The following ANKHD1 variants were observed in gnomAD, a reference collection of about 807,000 sequenced individuals.
ANKHD1 encodes ankyrin repeat and KH domain containing 1.
Under a neutral mutation model 230.5 loss-of-function variants are expected in ANKHD1, and 31 were observed. The ratio of observed to expected loss-of-function variants is 0.13; its 90% CI spans 0.10 to 0.18. The LOEUF is 0.18. Ranked by LOEUF, ANKHD1 falls within the 10% of genes least tolerant of loss-of-function variation. The pLI is 1.00. For synonymous variants in ANKHD1, 1,074 were observed against 1,117.6 expected, an observed-to-expected ratio of 0.96 and a Z score of 0.78; for missense variants, 2,256 against 3,071.3, an observed-to-expected ratio of 0.73 and a Z score of 6.27.
chr5:140,538,603 C>T (rs1005276538), intron 32 of ANKHD1, among the ~76,000 whole-genome samples: 1 of 152,184 alleles, frequency 6.6e-6, no homozygotes, highest in African/African-American at 2.4e-5. Flanking sequence ...GTAGAGTTCC[C>T]ATTTTCTTCT....
chr5:140,515,794 G>A lies in ANKHD1; in HGVS notation c.4317+2315G>A, dbSNP rs891676014. Among the ~76,000 whole-genome samples, 8 of 152,282 alleles carry A rather than the reference G, an allele frequency of 5.3e-5. No individual in the cohort carries two copies. In the South Asian group the frequency reaches 1.4e-3, roughly 28 times the overall value. On this transcript the variant is annotated intron_variant, in intron 24 of 33. Transcript: ENST00000360839. Reference sequence around the variant, plus strand: ...GGACATCCACACCAAAAACCCATCTGTACATCACCATCATCAAAGACCAAA... The same window carrying A: ...GGACATCCACACCAAAAACCCATCTATACATCACCATCATCAAAGACCAAA...
chr5:140,459,115 T>C (rs1303576502), intron 8 of ANKHD1, 49 bp from the exon 9 acceptor site: 5 of 1,396,388 alleles, frequency 3.6e-6, no homozygotes, highest in Non-Finnish European at 4.7e-6. Flanking sequence ...TTAATATCTT[T>C]ATTATAAGTC....
At chr5:140,439,602 G>A (rs1167039048) in intron 3 of ANKHD1, among the ~76,000 whole-genome samples, 1 of 152,112 alleles carries the variant, frequency 6.6e-6, no homozygotes, top group Admixed American at 6.6e-5. Flanking sequence ...CCTGGGAGGT[G>A]GAGGTTGCAG....
intron 6 of ANKHD1, among the ~76,000 whole-genome samples, chr5:140,447,923 G>C (rs1774418473): frequency 6.6e-6 from 1 of 152,240 alleles, no homozygotes; most frequent in African/African-American, 2.4e-5. Context: ...AAGAGGGGCA[G>C]AGAAACATAG....
At chr5:140,427,218 C>G (rs568552745) in intron 1 of ANKHD1, among the ~76,000 whole-genome samples, 1 of 146,638 alleles carries the variant, frequency 6.8e-6, no homozygotes, top group Non-Finnish European at 1.5e-5. Context: ...CCAGTAGGGG[C>G]GGCCGGGCAG....
chr5:140,458,981 C>CAT (rs1335940395), intron 8 of ANKHD1, 119 bp downstream of exon 8: 646 of 22,810 alleles, frequency 0.028, 19 homozygotes, highest in African/African-American at 0.048. Flanking sequence ...TATATATATG[C>CAT]ATATATATAT....
intron 24 of ANKHD1, among the ~76,000 whole-genome samples, chr5:140,517,479 G>A (rs1475279934): frequency 1.3e-5 from 2 of 149,234 alleles, no homozygotes; most frequent in African/African-American, 4.9e-5. Flanking sequence ...CAAATCAACA[G>A]AATATACATT....
chr5:140,436,472 G>A (rs1390799218), intron 2 of ANKHD1, among the ~76,000 whole-genome samples: 3 of 152,118 alleles, frequency 2.0e-5, no homozygotes, highest in African/African-American at 4.8e-5. Flanking sequence ...GCGTCCAGGC[G>A]CAGTGGCTCA....
chr5:140,508,064 G>A (rs1031363549), intron 20 of ANKHD1, 66 bp downstream of exon 20: 34 of 1,536,488 alleles, frequency 2.2e-5, no homozygotes, highest in South Asian at 1.0e-4. Context: ...GCATTTTAAC[G>A]CAAATTGAAT....
intron 10 of ANKHD1, 87 bp from the exon 11 acceptor site, chr5:140,482,493 G>A (rs958930159): frequency 6.9e-5 from 100 of 1,442,630 alleles, no homozygotes; most frequent in Admixed American, 1.6e-4. Context: ...TTAAATCCTC[G>A]TTATTTCTCA....
At chr5:140,508,237 CTAT>C (rs1295635570) in intron 20 of ANKHD1, among the ~76,000 whole-genome samples, 3 of 152,258 alleles carry the variant, frequency 2.0e-5, no homozygotes, top group Admixed American at 2.0e-4. Context: ...GAGTAGCTTT[CTAT>C]TAATACTGCA....
At position 140,462,025 on chromosome 5, in the gene ANKHD1, TAG is replaced by T. The variant is rs546919738; in HGVS notation, c.1673-2640_1673-2639del. Among the ~76,000 whole-genome samples, 760 of 152,276 alleles carry T rather than the reference TAG, an allele frequency of 5.0e-3. 9 individuals are homozygous for T. The highest frequency in any genetic ancestry group is 0.017 in the African/African-American group (719 of 41,576). ...TTCTTGCAATTTTTGGTTGAAGAAA[TAG>T]AATGTTTTTCCATTAGGCTTCCCAG... On this transcript the variant is annotated intron_variant, in intron 9 of 33. Transcript: ENST00000360839.
chr5:140,483,452 C>CT (rs369245406), intron 11 of ANKHD1, among the ~76,000 whole-genome samples: 4,829 of 110,544 alleles, frequency 0.044, 171 homozygotes, highest in African/African-American at 0.056. Context: ...AAGATTTTAT[C>CT]TTTTTTTTTT....
At chr5:140,428,492 C>T (rs1418261560) in intron 1 of ANKHD1, among the ~76,000 whole-genome samples, 2 of 152,244 alleles carry the variant, frequency 1.3e-5, no homozygotes, top group Admixed American at 6.5e-5. Context: ...GAAAACCAGT[C>T]AGGCGTGGTG....
intron 15 of ANKHD1, among the ~76,000 whole-genome samples, chr5:140,500,946 T>A (rs1265842763): frequency 1.3e-5 from 2 of 152,122 alleles, no homozygotes; most frequent in African/African-American, 4.8e-5. Flanking sequence ...TAACAGGCTC[T>A]TAAATTGTAA....
At chr5:140,443,622 C>T (rs933141742) in intron 5 of ANKHD1, among the ~76,000 whole-genome samples, 3 of 149,426 alleles carry the variant, frequency 2.0e-5, no homozygotes, top group Non-Finnish European at 3.0e-5. Flanking sequence ...ACCCAGGAGG[C>T]GGAGCTTGCA....
intron 10 of ANKHD1, among the ~76,000 whole-genome samples, chr5:140,474,959 G>T (rs551918535): frequency 6.6e-6 from 1 of 151,890 alleles, no homozygotes; most frequent in South Asian, 2.1e-4. Flanking sequence ...TTTTATTAAG[G>T]AATAGCGTAT....
At chr5:140,405,655 C>T (rs1770376226) in intron 1 of ANKHD1, among the ~76,000 whole-genome samples, 1 of 152,036 alleles carries the variant, frequency 6.6e-6, no homozygotes, top group Non-Finnish European at 1.5e-5. Context: ...TTTTTTGAGA[C>T]AGGGTCTCAT....
intron 3 of ANKHD1, 38 bp from the exon 4 acceptor site, chr5:140,440,081 T>C: frequency 6.6e-7 from 1 of 1,526,024 alleles, no homozygotes; most frequent in Admixed American, 2.1e-5. Context: ...CCCCGAGTCT[T>C]TTTGTTTCGG....
Sources: allele counts gnomAD v4.1 joint callset (sites outside exome capture counted in the v4.1 genomes callset), GRCh38; gene constraint gnomAD v4.1.1; transcripts MANE v1.5; gene names NCBI Gene and HGNC (gene_info 2026-07-23, HGNC 2026-07-21).